Variants in LRRTM3 observed in about 807,000 individuals in gnomAD.
The protein encoded by LRRTM3 is leucine rich repeat transmembrane neuronal 3, also known as leucine-rich repeat transmembrane neuronal protein 3.
Under a neutral mutation model 44.7 loss-of-function variants are expected in LRRTM3, and 24 were observed. The ratio of observed to expected loss-of-function variants is 0.54; its 90% CI spans 0.39 to 0.76. LRRTM3 has a LOEUF of 0.76. Among genes scored for constraint, LRRTM3 ranks in the 30% least tolerant of loss-of-function variants. The probability of loss-of-function intolerance (pLI) is 0.00; values close to 1 mark genes in which losing one functional copy is unlikely to be tolerated. For missense variants in LRRTM3, 587 were observed against 702.2 expected, an observed-to-expected ratio of 0.84 and a Z score of 1.85; for synonymous variants, 277 against 278.7, an observed-to-expected ratio of 0.99 and a Z score of 0.06.
chr10:66,930,897 C>T (rs1368016223), intron 2 of LRRTM3, among the ~76,000 whole-genome samples: 1 of 152,040 alleles, frequency 6.6e-6, no homozygotes, highest in Non-Finnish European at 1.5e-5. Flanking sequence ...TTTCTTTCTC[C>T]TCACTCTTTG....
At chr10:66,971,388 T>C (rs1023703239) in intron 2 of LRRTM3, among the ~76,000 whole-genome samples, 10 of 151,634 alleles carry the variant, frequency 6.6e-5, no homozygotes, top group African/African-American at 2.4e-4. Context: ...ATCGTGCCAC[T>C]GCACTCTAAG....
At chr10:67,019,178 T>C (rs1247266585) in intron 2 of LRRTM3, among the ~76,000 whole-genome samples, 1 of 152,186 alleles carries the variant, frequency 6.6e-6, no homozygotes, top group Non-Finnish European at 1.5e-5. Context: ...TTACTTCACA[T>C]TTGAAACCAT....
intron 2 of LRRTM3, among the ~76,000 whole-genome samples, chr10:67,090,116 CAAAG>C (rs1857542671): frequency 6.6e-6 from 1 of 152,044 alleles, no homozygotes; most frequent in African/African-American, 2.4e-5. Flanking sequence ...TTAAAAACCC[CAAAG>C]GTCTTCCTGA....
chr10:67,045,887 A>G (rs1475361681), intron 2 of LRRTM3, among the ~76,000 whole-genome samples: 1 of 152,190 alleles, frequency 6.6e-6, no homozygotes, highest in Non-Finnish European at 1.5e-5. Flanking sequence ...CCCAAATAAT[A>G]AGCTGTAAAA....
At position 66,999,168 on chromosome 10, in the gene LRRTM3, G is replaced by A. The variant is rs188085114; in HGVS notation, c.1536+70716G>A. On this transcript the variant is annotated intron_variant, in intron 2 of 2. Transcript: ENST00000361320. ...CTTTTATTTATCATTTTCAATTGAT[G>A]GTTTGCACTCAAATATTTCATTAAG... Among the ~76,000 whole-genome samples the A allele has an allele frequency of 3.3e-5, 5 of 152,048 alleles. No homozygotes were observed. In the East Asian group the frequency reaches 9.7e-4, roughly 29 times the overall value.
intron 2 of LRRTM3, among the ~76,000 whole-genome samples, chr10:66,967,884 G>A (rs1487683855): frequency 1.3e-5 from 2 of 152,100 alleles, no homozygotes; most frequent in African/African-American, 4.8e-5. Flanking sequence ...AAGGGAGGAA[G>A]TCATTGTACT....
rs138918240 is a variant in LRRTM3, at chr10:67,050,883, C to T, written c.1537-46704C>T. ...AAGTTTTGTTTGGATTACTTACATA[C>T]GTAGCACAAATGATTCTTTATTTGC... On this transcript the variant is annotated intron_variant, in intron 2 of 2. Transcript: ENST00000361320. Among the ~76,000 whole-genome samples the T allele has an allele frequency of 1.6e-4, 25 of 152,252 alleles. No individual in the cohort carries two copies. The East Asian group carries it at 2.1e-3, about 13-fold the overall frequency.
chr10:67,083,771 A>T (rs1170652562), intron 2 of LRRTM3, among the ~76,000 whole-genome samples: 2 of 152,146 alleles, frequency 1.3e-5, no homozygotes, highest in Non-Finnish European at 2.9e-5. Context: ...TTCAAAATAC[A>T]TTAGTTCTCC....
At chr10:66,955,713 C>G (rs948470496) in intron 2 of LRRTM3, among the ~76,000 whole-genome samples, 1 of 152,138 alleles carries the variant, frequency 6.6e-6, no homozygotes, top group African/African-American at 2.4e-5. Context: ...AACTGGAGAT[C>G]AGCCTCCATT....
At chr10:67,078,869 G>A (rs753857079) in intron 2 of LRRTM3, among the ~76,000 whole-genome samples, 10 of 152,144 alleles carry the variant, frequency 6.6e-5, no homozygotes, top group Non-Finnish European at 1.0e-4. Flanking sequence ...AGGTTAGCAG[G>A]ACACTTGTAA....
At chr10:67,032,550 C>A (rs1589634146) in intron 2 of LRRTM3, among the ~76,000 whole-genome samples, 2 of 152,088 alleles carry the variant, frequency 1.3e-5, no homozygotes, top group African/African-American at 4.8e-5. Context: ...CTACAGATTT[C>A]TTTTATGTTT....
Position 66,927,880 on chromosome 10 carries a change from T to G in LRRTM3, c.964T>G (p.Ser322Ala). The G allele has an allele frequency of 6.2e-7, 1 of 1,614,224 alleles. No homozygotes were observed. The highest frequency in any genetic ancestry group is 8.5e-7 in the Non-Finnish European group (1 of 1,180,042). ...NIWECSRNIC[S>A]LVNWLKSFKG... ...ATGGGAATGCAGCAGAAATATTTGCTCCCTTGTAAACTGGCTGAAAAGTTT... is the reference window on the plus strand; with the variant it reads ...ATGGGAATGCAGCAGAAATATTTGCGCCCTTGTAAACTGGCTGAAAAGTTT... The change falls in exon 2 of 3, where the codon TCC becomes GCC. Residue 322 changes from serine to alanine, a missense_variant. Coordinates refer to ENST00000361320, the MANE Select transcript of LRRTM3 (RefSeq NM_178011.5). This position sits in a 1 kb window ranked among gnomAD's most constrained non-coding sequence, Gnocchi z 4.7.
At chr10:66,994,358 C>T (rs1273251137) in intron 2 of LRRTM3, among the ~76,000 whole-genome samples, 1 of 152,190 alleles carries the variant, frequency 6.6e-6, no homozygotes, top group African/African-American at 2.4e-5. Flanking sequence ...AAATTTGCTT[C>T]TACATTAGGT....
chr10:66,986,883 T>C (rs1850756849), intron 2 of LRRTM3, among the ~76,000 whole-genome samples: 1 of 152,182 alleles, frequency 6.6e-6, no homozygotes, highest in African/African-American at 2.4e-5. Context: ...ACACTGTGAA[T>C]ACAGAAGTGC....
chr10:67,043,895 T>C (rs758629891), intron 2 of LRRTM3, among the ~76,000 whole-genome samples: 88 of 148,900 alleles, frequency 5.9e-4, no homozygotes, highest in Admixed American at 2.4e-3. Context: ...AATCTGACAA[T>C]TGGAGAATTT....
At chr10:67,016,132 T>C (rs973150554) in intron 2 of LRRTM3, among the ~76,000 whole-genome samples, 1 of 152,182 alleles carries the variant, frequency 6.6e-6, no homozygotes, top group African/African-American at 2.4e-5. Context: ...TTCCTCTCCA[T>C]GTGTGAAACA....
intron 2 of LRRTM3, among the ~76,000 whole-genome samples, chr10:67,025,381 A>G (rs1853309166): frequency 6.6e-6 from 1 of 151,816 alleles, no homozygotes; most frequent in South Asian, 2.1e-4. Context: ...TGTAAAGGCC[A>G]CATATCCAAC....
At chr10:66,995,272 C>CT (rs1486939928) in intron 2 of LRRTM3, among the ~76,000 whole-genome samples, 1 of 152,158 alleles carries the variant, frequency 6.6e-6, no homozygotes, top group Non-Finnish European at 1.5e-5. Flanking sequence ...ACTGAAGACA[C>CT]TTTTTCCTCT....
intron 2 of LRRTM3, among the ~76,000 whole-genome samples, chr10:66,934,103 C>T (rs1847559080): frequency 6.6e-6 from 1 of 151,910 alleles, no homozygotes; most frequent in South Asian, 2.1e-4. Flanking sequence ...TGATATAAGA[C>T]CAAGCAAGTA....
Sources: gnomAD v4.1 joint callset for allele counts (sites outside exome capture counted in the v4.1 genomes callset) on GRCh38, gnomAD v4.1.1 for gene constraint, Gnocchi (gnomAD v3.1) non-coding constraint, MANE v1.5 for transcripts, NCBI Gene and HGNC (gene_info 2026-07-23, HGNC 2026-07-21) for gene names.